Variants in RXFP1 observed in about 807,000 individuals in gnomAD.
The protein encoded by RXFP1 is relaxin family peptide receptor 1, also known as relaxin receptor 1.
Under a neutral mutation model 89.8 loss-of-function variants are expected in RXFP1, and 73 were observed. The ratio of observed to expected loss-of-function variants is 0.81; its 90% CI spans 0.67 to 0.99. The LOEUF is 0.99. RXFP1 is among the 50% of genes least tolerant of loss of function. RXFP1 has a pLI of 0.00. For synonymous variants in RXFP1, 277 were observed against 305.5 expected, an observed-to-expected ratio of 0.91 and a Z score of 0.97; for missense variants, 793 against 895.5, an observed-to-expected ratio of 0.89 and a Z score of 1.46.
chr4:158,612,838 T>A (rs1162610205), intron 8 of RXFP1, among the ~76,000 whole-genome samples: 1 of 152,134 alleles, frequency 6.6e-6, no homozygotes, highest in Non-Finnish European at 1.5e-5. Flanking sequence ...CTGGAACTCC[T>A]GACTTCATGA....
chr4:158,525,267 T>C (rs1742222465), intron 1 of RXFP1, among the ~76,000 whole-genome samples: 1 of 151,472 alleles, frequency 6.6e-6, no homozygotes, highest in South Asian at 2.1e-4. Context: ...TTATGGGGCA[T>C]GAGTGCAATT....
chr4:158,627,878 ATTGTAC>A (rs1767222458), intron 10 of RXFP1, among the ~76,000 whole-genome samples: 2 of 152,178 alleles, frequency 1.3e-5, no homozygotes, highest in Non-Finnish European at 2.9e-5. Context: ...TTTCTTTTCT[ATTGTAC>A]TTGTATTTAT....
intron 2 of RXFP1, among the ~76,000 whole-genome samples, chr4:158,592,867 G>T (rs568079092): frequency 6.6e-6 from 1 of 151,736 alleles, no homozygotes. Flanking sequence ...GAGGCGGACA[G>T]ATTTGAAGCC....
chr4:158,579,456 G>A lies in RXFP1; in HGVS notation c.187+6621G>A, dbSNP rs190962568. 4.9e-3 allele frequency among the ~76,000 whole-genome samples: 752 copies of A among 152,250 alleles called. 4 individuals are homozygous for A. The highest frequency in any genetic ancestry group is 8.5e-3 in the Non-Finnish European group (578 of 68,024). On this transcript the variant is annotated intron_variant, in intron 2 of 17. Transcript: ENST00000307765. The stretch of plus-strand genomic sequence containing the variant: ...CTAATTTTTGTATTTAATAGAGATG[G>A]GGTTTCACCGTGTTGGCGAGGATGG...
At chr4:158,549,275 T>C (rs1749435059) in intron 1 of RXFP1, among the ~76,000 whole-genome samples, 1 of 152,230 alleles carries the variant, frequency 6.6e-6, no homozygotes, top group South Asian at 2.1e-4. Flanking sequence ...CTTCACGTAG[T>C]TCTCGAGCCT....
At chr4:158,568,673 A>G (rs1579690085) in intron 1 of RXFP1, among the ~76,000 whole-genome samples, 1 of 152,160 alleles carries the variant, frequency 6.6e-6, no homozygotes, top group African/African-American at 2.4e-5. Context: ...CACAAGTGAG[A>G]ACATTATTTG....
At chr4:158,544,616 G>A (rs1359609284) in intron 1 of RXFP1, among the ~76,000 whole-genome samples, 1 of 150,242 alleles carries the variant, frequency 6.7e-6, no homozygotes, top group Non-Finnish European at 1.5e-5. Context: ...CCCCCCAACA[G>A]TCCCTGGAGT....
intron 1 of RXFP1, among the ~76,000 whole-genome samples, chr4:158,524,981 C>T (rs997495197): frequency 6.6e-6 from 1 of 152,152 alleles, no homozygotes; most frequent in Non-Finnish European, 1.5e-5. Flanking sequence ...CTCCTAGAGA[C>T]ACTTACCAGG....
At chr4:158,644,338 G>A (rs771503091) in intron 14 of RXFP1, among the ~76,000 whole-genome samples, 25 of 152,202 alleles carry the variant, frequency 1.6e-4, no homozygotes, top group Middle Eastern at 3.4e-3. Context: ...GAGCCACCGC[G>A]CCCAGCCTTG....
intron 8 of RXFP1, among the ~76,000 whole-genome samples, chr4:158,613,792 G>T (rs111980761): frequency 0.058 from 8,844 of 152,254 alleles, 383 homozygotes; most frequent in Non-Finnish European, 0.089. Flanking sequence ...TGTTCTTAAT[G>T]GCATCTAGAA....
At position 158,651,775 on chromosome 4, in the gene RXFP1, T is replaced by C. The variant is rs1395998327; in HGVS notation, c.1994T>C (p.Val665Ala). ...VEIPGTITSW[V>A]VIFILPINSA... Reference sequence around the variant, plus strand: ...TTTTTAGGTACCATAACCTCTTGGGTAGTGATTTTTATTCTGCCCATTAAC... The same window carrying C: ...TTTTTAGGTACCATAACCTCTTGGGCAGTGATTTTTATTCTGCCCATTAAC... Residue 665 changes from valine to alanine, a missense_variant, in exon 18 of 18, where the codon GTA becomes GCA. Physicochemically the swap from Val to Ala is moderately conservative, Grantham distance 64. Transcript: ENST00000307765. 30 of 1,610,866 alleles carry C rather than the reference T, an allele frequency of 1.9e-5. No individual in the cohort carries two copies. The highest frequency in any genetic ancestry group is 2.5e-5 in the Non-Finnish European group (29 of 1,178,492).
intron 9 of RXFP1, among the ~76,000 whole-genome samples, chr4:158,626,111 T>TATAGATAGATAGATAGATAG (rs71587463): frequency 7.3e-6 from 1 of 136,594 alleles, no homozygotes; most frequent in South Asian, 2.4e-4. Context: ...TAGATATCTA[T>TATAGATAGATAGATAGATAG]ATAGATAGAT....
intron 12 of RXFP1, among the ~76,000 whole-genome samples, chr4:158,636,103 T>A (rs1031247501): frequency 3.3e-5 from 5 of 152,188 alleles, no homozygotes; most frequent in Non-Finnish European, 7.3e-5. Context: ...TAAATTTACC[T>A]TTCAGTTCTC....
chr4:158,629,014 G>A lies in RXFP1; in HGVS notation c.899+305G>A, dbSNP rs576238804. Among the ~76,000 whole-genome samples the A allele has an allele frequency of 2.4e-4, 36 of 150,274 alleles. 1 individual carries two copies. Among genetic ancestry groups the A allele is most frequent in the African/African-American group, 7.2e-4 (29 of 40,546 alleles). On this transcript the variant is annotated intron_variant, in intron 11 of 17. Transcript: ENST00000307765. ...CTCTGTTCTACTCCTAAAGAAGGAC[G>A]GTAAATTTATGGGGGGTTTTTTGTT...
intron 2 of RXFP1, among the ~76,000 whole-genome samples, chr4:158,585,655 C>A (rs965059029): frequency 6.6e-6 from 1 of 151,876 alleles, no homozygotes; most frequent in African/African-American, 2.4e-5. Context: ...TACCTTATGA[C>A]ATTTTGAGCT....
chr4:158,542,375 T>C (rs1181479506), intron 1 of RXFP1, among the ~76,000 whole-genome samples: 1 of 152,008 alleles, frequency 6.6e-6, no homozygotes, highest in East Asian at 1.9e-4. Context: ...CCATAGAATA[T>C]TCTTCAATTC....
rs1202526804 is a variant in RXFP1 at position 158,612,287 on chromosome 4, T to A, written c.609-4T>A. The A allele has an allele frequency of 3.7e-6, 6 of 1,610,574 alleles. No homozygotes were observed. Among genetic ancestry groups the A allele is most frequent in the Non-Finnish European group, 5.1e-6 (6 of 1,178,436 alleles). ...TGAATTAATTTTTTTCTTCTGGCTG[T>A]CAGGATAATTGAAGATAATCACCTC... is the stretch of plus-strand genomic sequence containing the variant. On this transcript the variant is annotated splice_region_variant and splice_polypyrimidine_tract_variant and intron_variant, in intron 7 of 17. Coordinates refer to ENST00000307765, the MANE Select transcript of RXFP1 (RefSeq NM_021634.4).
intron 2 of RXFP1, among the ~76,000 whole-genome samples, chr4:158,580,670 C>T (rs1021710650): frequency 2.0e-5 from 3 of 152,192 alleles, no homozygotes; most frequent in Admixed American, 2.0e-4. Flanking sequence ...AATGCTTTGC[C>T]TTCCCTCCCC....
At chr4:158,631,893 G>A (rs1224021618) in intron 11 of RXFP1, among the ~76,000 whole-genome samples, 3 of 152,112 alleles carry the variant, frequency 2.0e-5, no homozygotes, top group African/African-American at 7.2e-5. Context: ...AGGAGTTCAA[G>A]ACCAGCCTGG....
Sources: gnomAD v4.1 joint callset for allele counts (sites outside exome capture counted in the v4.1 genomes callset) on GRCh38, gnomAD v4.1.1 for gene constraint, MANE v1.5 for transcripts, NCBI Gene and HGNC (gene_info 2026-07-23, HGNC 2026-07-21) for gene names.